SIRPG: variants seen among roughly 807,000 people sequenced by gnomAD.
SIRPG encodes signal-regulatory protein gamma.
SIRPG carries 38 observed loss-of-function variants against 35.7 expected under a neutral mutation model. The observed-to-expected ratio is 1.06, with a 90% confidence interval of 0.82 to 1.40. The LOEUF (loss-of-function observed/expected upper bound fraction) is 1.40, where lower values mean the gene tolerates loss of function less well. SIRPG is among the 40% of genes most tolerant of loss of function. The probability of loss-of-function intolerance (pLI) is 0.00; values close to 1 mark genes in which losing one functional copy is unlikely to be tolerated. For synonymous variants in SIRPG, 215 were observed against 190.4 expected, an observed-to-expected ratio of 1.13 and a Z score of -1.06; for missense variants, 519 against 483.0, an observed-to-expected ratio of 1.07 and a Z score of -0.70.
chr20:1,653,873 G>C lies in SIRPG; in HGVS notation c.73+3769C>G, dbSNP rs78269956. Reference sequence around the variant, plus strand: ...CATGGTCACATGAGATTTATCTCAGGAATGCAAGGATGGTATAACATTCAT... The same window carrying C: ...CATGGTCACATGAGATTTATCTCAGCAATGCAAGGATGGTATAACATTCAT... On this transcript the variant is annotated intron_variant, in intron 1 of 5. Transcript: ENST00000303415. 9.5e-3 allele frequency among the ~76,000 whole-genome samples: 1,443 copies of C among 152,270 alleles called. 16 individuals are homozygous for C. The highest frequency in any genetic ancestry group is 0.032 in the African/African-American group (1,349 of 41,536).
intron 4 of SIRPG, among the ~76,000 whole-genome samples, chr20:1,635,058 T>G (rs1256449246): frequency 1.3e-5 from 2 of 149,518 alleles, no homozygotes; most frequent in African/African-American, 2.5e-5. Context: ...AAAAAAAAAT[T>G]AAACATATAT....
the SIRPG span, among the ~76,000 whole-genome samples, chr20:1,671,800 T>C: frequency 6.6e-6 from 1 of 152,214 alleles, no homozygotes; most frequent in Admixed American, 6.5e-5. Context: ...CAGGAGCATG[T>C]CCTTAAGGCA....
At chr20:1,648,253 A>G (rs552706287) in intron 2 of SIRPG, 2 of 152,284 alleles carry the variant, frequency 1.3e-5, no homozygotes, top group South Asian at 2.1e-4. Context: ...GAGGTGAAGG[A>G]TATTCTGAGA....
chr20:1,683,620 A>C, the SIRPG span, among the ~76,000 whole-genome samples: 1 of 152,188 alleles, frequency 6.6e-6, no homozygotes, highest in South Asian at 2.1e-4. Flanking sequence ...TAAGTGAAAT[A>C]AGCCAGGCAC....
At chr20:1,636,946 C>T (rs11699578) in intron 2 of SIRPG, among the ~76,000 whole-genome samples, 3,999 of 152,230 alleles carry the variant, frequency 0.026, 117 homozygotes, top group Middle Eastern at 0.085. Context: ...CCAGGCTGCT[C>T]AGCCCATGAG....
At chr20:1,670,696 G>A in the SIRPG span, among the ~76,000 whole-genome samples, 1 of 152,218 alleles carries the variant, frequency 6.6e-6, no homozygotes, top group South Asian at 2.1e-4. Flanking sequence ...CCACCTGGTG[G>A]GTGGACATCT....
chr20:1,631,427 G>A (rs1392747073), intron 4 of SIRPG, among the ~76,000 whole-genome samples: 1 of 152,118 alleles, frequency 6.6e-6, no homozygotes, highest in South Asian at 2.1e-4. Context: ...ACTACATGAC[G>A]CTCTCAGCCC....
At chr20:1,644,765 A>C (rs1214074071) in intron 2 of SIRPG, among the ~76,000 whole-genome samples, 1 of 152,172 alleles carries the variant, frequency 6.6e-6, no homozygotes, top group African/African-American at 2.4e-5. Flanking sequence ...GCTAGGTAGC[A>C]GCTCACTCAC....
chr20:1,636,161 C>T (rs1264218364), intron 3 of SIRPG, 27 bp downstream of exon 3: 1 of 1,603,140 alleles, frequency 6.2e-7, no homozygotes, highest in Middle Eastern at 1.7e-4. Context: ...CAGGTGTGGG[C>T]TTGGGCTGGG....
chr20:1,658,437 G>A (rs1003759329), upstream of SIRPG, among the ~76,000 whole-genome samples: 17 of 152,116 alleles, frequency 1.1e-4, no homozygotes, highest in Admixed American at 9.2e-4. Context: ...GTTATCATGA[G>A]GGAAGATTAT....
chr20:1,652,146 C>T (rs981963489), intron 1 of SIRPG, among the ~76,000 whole-genome samples: 2 of 151,896 alleles, frequency 1.3e-5, no homozygotes, highest in African/African-American at 4.8e-5. Context: ...TAACGCAAAA[C>T]AAAAAATAAA....
the SIRPG span, among the ~76,000 whole-genome samples, chr20:1,668,189 T>TTTC: frequency 3.1e-5 from 2 of 64,424 alleles, no homozygotes; most frequent in African/African-American, 1.0e-4. Context: ...CTTTCTTTCT[T>TTTC]TTTCTTTTCT....
intron 1 of SIRPG, among the ~76,000 whole-genome samples, chr20:1,653,619 T>C (rs1258432393): frequency 6.6e-6 from 1 of 152,194 alleles, no homozygotes; most frequent in Non-Finnish European, 1.5e-5. Flanking sequence ...GCACAGAAAT[T>C]CTGCTTTGAG....
At chr20:1,667,467 G>A in the SIRPG span, among the ~76,000 whole-genome samples, 1 of 152,164 alleles carries the variant, frequency 6.6e-6, no homozygotes, top group Non-Finnish European at 1.5e-5. Context: ...ACACAGCAAA[G>A]GAAATGCAGC....
intron 2 of SIRPG, among the ~76,000 whole-genome samples, chr20:1,640,695 A>G (rs1211788434): frequency 1.3e-5 from 2 of 152,184 alleles, no homozygotes; most frequent in African/African-American, 2.4e-5. Flanking sequence ...CTGGTTTTCA[A>G]GGGGAATGTT....
chr20:1,643,523 G>A (rs111229664), intron 2 of SIRPG, among the ~76,000 whole-genome samples: 2 of 152,014 alleles, frequency 1.3e-5, no homozygotes, highest in African/African-American at 4.8e-5. Context: ...ACTTGCTCCC[G>A]TAGCTCAGCG....
At position 1,654,246 on chromosome 20, in the gene SIRPG, A is replaced by G. The variant is rs186425193; in HGVS notation, c.73+3396T>C. Among the ~76,000 whole-genome samples, 337 of 152,088 alleles carry G rather than the reference A, an allele frequency of 2.2e-3. 1 individual carries two copies. Among genetic ancestry groups the G allele is most frequent in the African/African-American group, 7.2e-3 (299 of 41,486 alleles). ...GAGCAAGACTGCATCTAAAAAAAAA[A>G]AAAAAAAGAACAAAGATGGAAGCAC... On this transcript the variant is annotated intron_variant, in intron 1 of 5. Coordinates refer to ENST00000303415, the MANE Select transcript of SIRPG (RefSeq NM_018556.4).
chr20:1,681,170 C>CA, the SIRPG span, among the ~76,000 whole-genome samples: 36,466 of 152,066 alleles, frequency 0.24, 5,125 homozygotes, highest in East Asian at 0.59. Flanking sequence ...AATTTGCAAT[C>CA]ATACAGAAAG....
chr20:1,632,566 G>A (rs1386126815), intron 4 of SIRPG, among the ~76,000 whole-genome samples: 1 of 152,118 alleles, frequency 6.6e-6, no homozygotes, highest in Non-Finnish European at 1.5e-5. Context: ...TAACTGAAAA[G>A]CAAATGCAAT....
Sources: allele counts gnomAD v4.1 joint callset (sites outside exome capture counted in the v4.1 genomes callset), GRCh38; gene constraint gnomAD v4.1.1; transcripts MANE v1.5; gene names NCBI Gene and HGNC (gene_info 2026-07-23, HGNC 2026-07-21).